The following GINM1 variants were observed in gnomAD, a reference collection of about 807,000 sequenced individuals.
GINM1 encodes the protein glycoprotein integral membrane protein 1.
GINM1 carries 29 observed loss-of-function variants against 37.8 expected under a neutral mutation model. That is an observed-to-expected ratio of 0.77 (90% CI 0.57 to 1.05). The LOEUF is 1.05. Among genes scored for constraint, GINM1 ranks in the 50% least tolerant of loss-of-function variants. The pLI is 0.00. For missense variants in GINM1, 377 were observed against 397.9 expected (o/e 0.95, Z 0.45); for synonymous variants, 143 against 146.2 (o/e 0.98, Z 0.16).
intron 4 of GINM1, 70 bp downstream of exon 4, chr6:149,579,043 TCA>T: frequency 1.1e-6 from 1 of 948,752 alleles, no homozygotes; most frequent in East Asian, 2.7e-5. Context: ...ATGCATGTGT[TCA>T]GTTATTTTAT....
intron 7 of GINM1, among the ~76,000 whole-genome samples, chr6:149,588,853 G>C (rs1259813991): frequency 1.3e-5 from 2 of 152,108 alleles, no homozygotes; most frequent in African/African-American, 4.8e-5. Context: ...GCCCTGGCTG[G>C]AGTGCAGTGG....
rs548181681 is a variant in GINM1, at chr6:149,573,520, A to G, written c.277+917A>G. ...GTTTTATATTGGCTGCTTCTCGCAT[A>G]TTCACTATTTTCCATAAGATCAGTA... On this transcript the variant is annotated intron_variant, in intron 3 of 7. Coordinates refer to ENST00000367419, the MANE Select transcript of GINM1 (RefSeq NM_138785.5). 2.6e-5 allele frequency among the ~76,000 whole-genome samples: 4 copies of G among 152,282 alleles called. No homozygotes were observed. The South Asian group carries it at 6.2e-4, about 24-fold the overall frequency.
At chr6:149,567,033 G>C (rs1777731141) in intron 1 of GINM1, among the ~76,000 whole-genome samples, 1 of 152,260 alleles carries the variant, frequency 6.6e-6, no homozygotes. Context: ...GGCAGAGGGA[G>C]AGACCTGGCC....
intron 5 of GINM1, among the ~76,000 whole-genome samples, chr6:149,580,222 G>A (rs1412836007): frequency 3.3e-5 from 5 of 152,180 alleles, no homozygotes; most frequent in African/African-American, 9.7e-5. Flanking sequence ...AGTAGAATGT[G>A]ATCAGTGCTG....
In GINM1 at chr6:149,590,726, G is replaced by A; in HGVS notation, c.882-1G>A. The stretch of plus-strand genomic sequence containing the variant: ...TAGTAATTAATCACTTTCTATTTCA[G>A]AGGAATTCTTCAGTTGGATAAAGTG... On this transcript the variant is annotated splice_acceptor_variant, in intron 7 of 7. Transcript: ENST00000367419. LOFTEE classifies it high-confidence loss of function. 6.9e-7 allele frequency: 1 copy of A among 1,448,666 alleles called. No individual in the cohort carries two copies. Among genetic ancestry groups the A allele is most frequent in the Non-Finnish European group, 9.7e-7 (1 of 1,035,454 alleles). 89.7% of individuals were successfully genotyped at this position (1,448,666 alleles called of 1,614,324 possible). A position where few individuals can be genotyped will look rare whatever the true frequency, so the allele number is the denominator to read the frequency against.
Position 149,579,946 on chromosome 6 carries a change from G to A in GINM1, c.542G>A (p.Arg181Gln), listed in dbSNP as rs1183286450. Reference sequence around the variant, plus strand: ...GAAAGCATGCTCTACTCTATTTCTCGAGACAGTGACATTTTATTTACCCTT... The same window carrying A: ...GAAAGCATGCTCTACTCTATTTCTCAAGACAGTGACATTTTATTTACCCTT... ...LEESMLYSIS[R>Q]DSDILFTLPN... The change falls in exon 5 of 8, where the codon CGA (arginine) becomes CAA (glutamine). Residue 181 changes from arginine to glutamine, a missense_variant. Physicochemically the swap from Arg to Gln is conservative, Grantham distance 43. Coordinates refer to ENST00000367419, the MANE Select transcript of GINM1 (RefSeq NM_138785.5). The A allele has an allele frequency of 2.5e-6, 4 of 1,609,866 alleles. No individual in the cohort carries two copies. Among genetic ancestry groups the A allele is most frequent in the East Asian group, 2.2e-5 (1 of 44,718 alleles).
At chr6:149,568,339 C>T (rs1403053201) in intron 1 of GINM1, among the ~76,000 whole-genome samples, 1 of 152,242 alleles carries the variant, frequency 6.6e-6, no homozygotes, top group African/African-American at 2.4e-5. Flanking sequence ...AAACTGAAGT[C>T]CCTTGATCTA....
Position 149,569,337 on chromosome 6 carries a change from C to CTTT in GINM1, c.120+2818_120+2820dup, listed in dbSNP as rs372296900. Among the ~76,000 whole-genome samples the CTTT allele has an allele frequency of 1.3e-3, 158 of 123,870 alleles. 4 individuals carry two copies. Among genetic ancestry groups the CTTT allele is most frequent in the East Asian group, 0.012 (48 of 4,138 alleles). 81.3% of individuals were successfully genotyped at this position (123,870 alleles called of 152,430 possible). A position where few individuals can be genotyped will look rare whatever the true frequency, so the allele number is the denominator to read the frequency against. On this transcript the variant is annotated intron_variant, in intron 1 of 7. Transcript: ENST00000367419. ...AGGTGTGAGCCACTGCGCCCGGTCA[C>CTTT]TTTTTTTTTTTTTTTTTGACGTGAA... is the stretch of plus-strand genomic sequence containing the variant.
intron 7 of GINM1, among the ~76,000 whole-genome samples, chr6:149,583,703 T>C (rs1778033516): frequency 6.6e-6 from 1 of 151,782 alleles, no homozygotes; most frequent in Non-Finnish European, 1.5e-5. Context: ...TGAGATTTTC[T>C]CTGGCTGAAT....
At chr6:149,574,489 C>T (rs1777884687) in intron 3 of GINM1, among the ~76,000 whole-genome samples, 1 of 152,104 alleles carries the variant, frequency 6.6e-6, no homozygotes, top group African/African-American at 2.4e-5. Context: ...CTTTTTCTTC[C>T]CCCTTTGCCT....
At chr6:149,582,676 G>T in intron 7 of GINM1, 73 bp downstream of exon 7, 1 of 1,084,830 alleles carries the variant, frequency 9.2e-7, no homozygotes, top group South Asian at 1.8e-5. Flanking sequence ...CTATGTTTTA[G>T]AATAGAAAAT....
rs1300876674 is a variant in GINM1, at chr6:149,566,642, G to A, written c.120+108G>A. 1.5e-6 allele frequency: 2 copies of A among 1,342,234 alleles called. No homozygotes were observed. The highest frequency in any genetic ancestry group is 3.1e-5 in the African/African-American group (2 of 64,620). The allele number at this position is 1,342,234 out of a possible 1,614,324, so 83.1% of individuals were successfully genotyped here. A position where few individuals can be genotyped will look rare whatever the true frequency, so the allele number is the denominator to read the frequency against. On this transcript the variant is annotated intron_variant, in intron 1 of 7. Transcript: ENST00000367419. The surrounding 1 kb of genome is among the most constrained non-coding windows in gnomAD (Gnocchi z 4.4). ...ATCCCACCGGCGGGCAGGGGCGGGG[G>A]TCCGGGCCCCCGAAGGAGGTGTGGG...
At chr6:149,572,464 T>C (rs1777842549) in intron 2 of GINM1, 43 bp from the exon 3 acceptor site, 2 of 1,341,010 alleles carry the variant, frequency 1.5e-6, no homozygotes, top group Admixed American at 4.2e-5. Flanking sequence ...TTTGCTATTG[T>C]TTATAAATAT....
chr6:149,580,544 TA>T, intron 5 of GINM1, 48 bp from the exon 6 acceptor site: 1 of 1,553,326 alleles, frequency 6.4e-7, no homozygotes, highest in Non-Finnish European at 8.7e-7. Context: ...TTAGGACTAG[TA>T]GGATAAGACA....
At position 149,579,834 on chromosome 6, in the gene GINM1, G is replaced by T; in HGVS notation, c.430G>T (p.Val144Phe). The part of the protein sequence containing the change: ...EEVVEIDGKQ[V>F]QQKDVTEIDI... ...AGAATAATTATATTTTCTTTCACAGGTTCAGCAAAAGGATGTCACTGAAAT... is the reference window on the plus strand; with the variant it reads ...AGAATAATTATATTTTCTTTCACAGTTTCAGCAAAAGGATGTCACTGAAAT... The change falls in exon 5 of 8, where the codon GTT becomes TTT. Residue 144 changes from valine to phenylalanine, a missense_variant and splice_region_variant. Coordinates refer to ENST00000367419, the MANE Select transcript of GINM1 (RefSeq NM_138785.5). 6.3e-7 allele frequency: 1 copy of T among 1,579,022 alleles called. No homozygotes were observed.
chr6:149,571,469 A>G (rs977313795), intron 1 of GINM1, among the ~76,000 whole-genome samples: 2 of 152,228 alleles, frequency 1.3e-5, no homozygotes, highest in African/African-American at 4.8e-5. Flanking sequence ...TATCAACTAC[A>G]GTTACGGAAG....
At chr6:149,567,057 A>G (rs963817966) in intron 1 of GINM1, among the ~76,000 whole-genome samples, 2 of 152,124 alleles carry the variant, frequency 1.3e-5, no homozygotes, top group Admixed American at 6.5e-5. Context: ...GCGCGACGTA[A>G]TGTTTTTGTC....
rs766681110 is a variant in GINM1, at chr6:149,582,548, G to C, written c.826G>C (p.Gly276Arg). The change falls in exon 7 of 8, where the codon GGA becomes CGA. Residue 276 changes from glycine to arginine, a missense_variant. Gly to Arg is a moderately radical substitution (Grantham distance 125). Coordinates refer to ENST00000367419, the MANE Select transcript of GINM1 (RefSeq NM_138785.5). Reference sequence around the variant, plus strand: ...GAACATCATGGTGGTTGGAATTACAGGAGCAGCTGTGGTAATAACCATCTT... The same window carrying C: ...GAACATCATGGTGGTTGGAATTACACGAGCAGCTGTGGTAATAACCATCTT... ...FLNIMVVGIT[G>R]AAVVITILKV... 6.2e-7 allele frequency: 1 copy of C among 1,611,432 alleles called. No individual in the cohort carries two copies.
rs1335464850 is a variant in GINM1, at chr6:149,566,556, T to C, written c.120+22T>C. 1 of 1,478,252 alleles carries C rather than the reference T, an allele frequency of 6.8e-7. No homozygotes were observed. Among genetic ancestry groups the C allele is most frequent in the Non-Finnish European group, 8.9e-7 (1 of 1,117,698 alleles). 91.6% of individuals were successfully genotyped at this position (1,478,252 alleles called of 1,614,324 possible). Reference sequence around the variant, plus strand: ...ACAGGTAGGGCAGGGCGGGCCTGGCTGGCCGCTTTACGACTCCGACTCTCC... The same window carrying C: ...ACAGGTAGGGCAGGGCGGGCCTGGCCGGCCGCTTTACGACTCCGACTCTCC... On this transcript the variant is annotated intron_variant, in intron 1 of 7. Coordinates refer to ENST00000367419, the MANE Select transcript of GINM1 (RefSeq NM_138785.5). The surrounding 1 kb of genome is among the most constrained non-coding windows in gnomAD (Gnocchi z 4.4).
Sources: allele counts gnomAD v4.1 joint callset (sites outside exome capture counted in the v4.1 genomes callset), GRCh38; gene constraint gnomAD v4.1.1; non-coding constraint Gnocchi (gnomAD v3.1); transcripts MANE v1.5; gene names NCBI Gene and HGNC (gene_info 2026-07-23, HGNC 2026-07-21).